FGL1: variants seen among roughly 807,000 people sequenced by gnomAD.
FGL1 encodes fibrinogen-like protein 1.
In FGL1, 59 loss-of-function variants were observed where a neutral mutation model predicts 43.7. That is an observed-to-expected ratio of 1.35 (90% CI 1.10 to 1.68). The LOEUF (loss-of-function observed/expected upper bound fraction) is 1.68, where lower values mean the gene tolerates loss of function less well. FGL1 is among the 40% of genes most tolerant of loss of function. FGL1 has a pLI of 0.00. For synonymous variants in FGL1, 192 were observed against 126.5 expected, an observed-to-expected ratio of 1.52 and a Z score of -3.48; for missense variants, 596 against 373.0, an observed-to-expected ratio of 1.60 and a Z score of -4.92.
At chr8:17,891,738 T>C (rs1415037772) in intron 1 of FGL1, 5 of 983,758 alleles carry the variant, frequency 5.1e-6, no homozygotes, top group Admixed American at 6.1e-5. Context: ...CAGTTGCTTA[T>C]GGGAGATCAA....
rs765493528 is a variant in FGL1 at position 17,864,557 on chromosome 8, G to A, written c.*35C>T. The A allele has an allele frequency of 6.3e-7, 1 of 1,582,494 alleles. No homozygotes were observed. Among genetic ancestry groups the A allele is most frequent in the Non-Finnish European group, 8.6e-7 (1 of 1,167,100 alleles). ...TATTTTTCAAATCACTTTAAACAAA[G>A]CTGAATTGCAGAAACGAAAGCCCAA... On this transcript the variant is annotated 3_prime_UTR_variant, in exon 8 of 8. Transcript: ENST00000427924.
chr8:17,881,583 C>T (rs952949066), intron 3 of FGL1, among the ~76,000 whole-genome samples: 6 of 151,590 alleles, frequency 4.0e-5, no homozygotes, highest in African/African-American at 1.2e-4. Flanking sequence ...CCTGTAATCC[C>T]AGCACTTTGG....
rs774674677 is a variant in FGL1 at position 17,895,465 on chromosome 8, C to T, written c.-36G>A. 19 of 1,283,566 alleles carry T rather than the reference C, an allele frequency of 1.5e-5. No homozygotes were observed. The South Asian group carries it at 2.1e-4, about 14-fold the overall frequency. 79.5% of individuals were successfully genotyped at this position (1,283,566 alleles called of 1,614,324 possible). A position where few individuals can be genotyped will look rare whatever the true frequency, so the allele number is the denominator to read the frequency against. On this transcript the variant is annotated 5_prime_UTR_variant, in exon 1 of 8. The change abolishes the stop of an existing upstream ORF in the 5' untranslated region. Coordinates refer to ENST00000427924, the MANE Select transcript of FGL1 (RefSeq NM_004467.4). ...AACTTGCCTAAAGTCAGAAGTGAGT[C>T]AGAGACCCAGCTCAGGTTCCATCCA...
At chr8:17,865,184 A>G (rs913603341) in intron 7 of FGL1, among the ~76,000 whole-genome samples, 1 of 152,144 alleles carries the variant, frequency 6.6e-6, no homozygotes, top group Non-Finnish European at 1.5e-5. Flanking sequence ...AAGCATTTCA[A>G]TTTTTGATTT....
rs1563466203 is a variant in FGL1 at position 17,895,426 on chromosome 8, CAG to C, written c.-18+19_-18+20del. ...CATTATTACAAGCATGTCAAAAATG[CAG>C]AGACATTAAATAACTTGCCTAAAGT... On this transcript the variant is annotated intron_variant, in intron 1 of 7. Transcript: ENST00000427924. The C allele has an allele frequency of 7.8e-7, 1 of 1,281,850 alleles. No homozygotes were observed. Among genetic ancestry groups the C allele is most frequent in the South Asian group, 1.3e-5 (1 of 79,898 alleles). 79.4% of individuals were successfully genotyped at this position (1,281,850 alleles called of 1,614,324 possible).
At chr8:17,885,423 C>A in intron 2 of FGL1, 69 bp downstream of exon 2, 7 of 1,379,634 alleles carry the variant, frequency 5.1e-6, no homozygotes, top group Non-Finnish European at 7.1e-6. Flanking sequence ...AGGTTTAATG[C>A]AAAATGAAAG....
At chr8:17,871,291 G>A (rs960258016) in intron 5 of FGL1, among the ~76,000 whole-genome samples, 11 of 152,050 alleles carry the variant, frequency 7.2e-5, no homozygotes, top group African/African-American at 2.7e-4. Flanking sequence ...CCAGGAGTTT[G>A]AGACCATCCT....
chr8:17,889,851 G>C (rs1420727565), intron 1 of FGL1, among the ~76,000 whole-genome samples: 1 of 152,158 alleles, frequency 6.6e-6, no homozygotes, highest in Non-Finnish European at 1.5e-5. Context: ...ATATTGTTTA[G>C]ATAGGAAGAA....
intron 1 of FGL1, among the ~76,000 whole-genome samples, chr8:17,887,402 C>G (rs2053643939): frequency 6.6e-6 from 1 of 152,216 alleles, no homozygotes; most frequent in Non-Finnish European, 1.5e-5. Flanking sequence ...CGTAAGTCTT[C>G]TTTCTGAAGA....
chr8:17,875,443 G>A (rs968818210), intron 3 of FGL1, among the ~76,000 whole-genome samples: 1 of 151,868 alleles, frequency 6.6e-6, no homozygotes, highest in African/African-American at 2.4e-5. Context: ...GAACACTGAA[G>A]CAAATGTAGC....
intron 7 of FGL1, among the ~76,000 whole-genome samples, chr8:17,867,032 G>A (rs934496759): frequency 6.6e-6 from 1 of 152,120 alleles, no homozygotes; most frequent in Non-Finnish European, 1.5e-5. Context: ...AAATACTCCA[G>A]TTCCTTTATA....
intron 1 of FGL1, chr8:17,891,668 A>G (rs1055638020): frequency 1.0e-6 from 1 of 985,212 alleles, no homozygotes; most frequent in Non-Finnish European, 1.2e-6. Flanking sequence ...AGATGAGAAG[A>G]AAACTTGTAA....
At chr8:17,885,640 T>C in intron 1 of FGL1, 69 bp from the exon 2 acceptor site, 1 of 1,334,048 alleles carries the variant, frequency 7.5e-7, no homozygotes. Flanking sequence ...AGTTCAGACT[T>C]CAGTAGCTCC....
rs368295325 is a variant in FGL1 at position 17,869,054 on chromosome 8, C to T, written c.503-50G>A. ...ATTTTTAAAAATGTGTGACATGACA[C>T]GGACTACTGCGGTTTAAAAATAATT... On this transcript the variant is annotated intron_variant, in intron 5 of 7. Transcript: ENST00000427924. 1.3e-3 allele frequency: 1,433 copies of T among 1,073,490 alleles called. 6 individuals are homozygous for T. Among genetic ancestry groups the T allele is most frequent in the South Asian group, 2.6e-3 (183 of 69,306 alleles). The allele number at this position is 1,073,490 out of a possible 1,614,324, so 66.5% of individuals were successfully genotyped here. A position where few individuals can be genotyped will look rare whatever the true frequency, so the allele number is the denominator to read the frequency against.
At chr8:17,890,280 T>G (rs1303982507) in intron 1 of FGL1, among the ~76,000 whole-genome samples, 1 of 152,198 alleles carries the variant, frequency 6.6e-6, no homozygotes, top group Non-Finnish European at 1.5e-5. Flanking sequence ...GAGACAACAT[T>G]CTATACTGAG....
At chr8:17,879,971 C>T (rs1432920162) in intron 3 of FGL1, among the ~76,000 whole-genome samples, 1 of 152,210 alleles carries the variant, frequency 6.6e-6, no homozygotes, top group Non-Finnish European at 1.5e-5. Context: ...TGATGATCCA[C>T]TGGCATCTAC....
chr8:17,865,815 C>T (rs1175582777), intron 7 of FGL1, among the ~76,000 whole-genome samples: 2 of 152,132 alleles, frequency 1.3e-5, no homozygotes, highest in East Asian at 1.9e-4. Flanking sequence ...TATGGAAAAA[C>T]CCAAATTATT....
intron 1 of FGL1, among the ~76,000 whole-genome samples, chr8:17,888,092 T>C (rs1221027312): frequency 6.6e-6 from 1 of 151,986 alleles, no homozygotes; most frequent in Non-Finnish European, 1.5e-5. Context: ...TAGATGTTTT[T>C]ATATGTAATG....
chr8:17,869,271 G>A (rs1478037356), intron 5 of FGL1, among the ~76,000 whole-genome samples: 2 of 151,364 alleles, frequency 1.3e-5, no homozygotes, highest in South Asian at 2.1e-4. Flanking sequence ...GCAATTCACT[G>A]AATAATGAAC....
Sources: allele counts gnomAD v4.1 joint callset (sites outside exome capture counted in the v4.1 genomes callset), GRCh38; gene constraint gnomAD v4.1.1; transcripts MANE v1.5; gene names NCBI Gene and HGNC (gene_info 2026-07-23, HGNC 2026-07-21).